Variants in FREM1 observed in about 807,000 individuals in gnomAD.
FREM1 encodes the protein FRAS1 related extracellular matrix 1.
In FREM1, 220 loss-of-function variants were observed where a neutral mutation model predicts 210.1. The ratio of observed to expected loss-of-function variants is 1.05; its 90% confidence interval spans 0.94 to 1.17. The LOEUF (loss-of-function observed/expected upper bound fraction) is 1.17. FREM1 is among the 50% of genes most tolerant of loss of function. FREM1 has a pLI of 0.00. For missense variants in FREM1, 3,454 were observed against 2,675.5 expected, an observed-to-expected ratio of 1.29 and a Z score of -6.42; for synonymous variants, 1,189 against 980.2, an observed-to-expected ratio of 1.21 and a Z score of -3.98.
chr9:14,789,003 C>G lies in FREM1; in HGVS notation c.4093G>C (p.Asp1365His), dbSNP rs1308658142. ...TCCCAAAGGTAGAAGGTGAAGCTATCTTGATTCTGGGAATCCATTGCCCCG... is the reference window on the plus strand; with the variant it reads ...TCCCAAAGGTAGAAGGTGAAGCTATGTTGATTCTGGGAATCCATTGCCCCG... Reference protein sequence around the residue: ...HTGAMDSQNQDSFTFYLWDGN... With the variant: ...HTGAMDSQNQHSFTFYLWDGN... Residue 1365 changes from aspartate to histidine, a missense_variant, in exon 23 of 37, where the codon GAT becomes CAT. Coordinates refer to ENST00000380880, the MANE Select transcript of FREM1 (RefSeq NM_001379081.2). 1.2e-6 allele frequency: 2 copies of G among 1,612,546 alleles called. No individual in the cohort carries two copies. The highest frequency in any genetic ancestry group is 2.7e-5 in the African/African-American group (2 of 74,888).
chr9:14,813,206 G>T, intron 15 of FREM1, 142 bp from the exon 16 acceptor site: 1 of 847,314 alleles, frequency 1.2e-6, no homozygotes, highest in Non-Finnish European at 1.8e-6. Context: ...ATTTGGCCAA[G>T]TAATCTGTGT....
intron 1 of FREM1, among the ~76,000 whole-genome samples, chr9:14,880,663 T>C (rs1312967600): frequency 6.6e-6 from 1 of 151,730 alleles, no homozygotes; most frequent in East Asian, 1.9e-4. Context: ...ATTGCATGTG[T>C]GTTGACATAA....
chr9:14,827,851 C>T (rs1822767431), intron 10 of FREM1, among the ~76,000 whole-genome samples: 2 of 152,326 alleles, frequency 1.3e-5, no homozygotes, highest in Admixed American at 1.3e-4. Context: ...CTTGGCCATC[C>T]CAGCTGTGGC....
intron 10 of FREM1, among the ~76,000 whole-genome samples, chr9:14,834,520 T>A (rs952399183): frequency 2.0e-5 from 3 of 152,164 alleles, no homozygotes; most frequent in Non-Finnish European, 2.9e-5. Context: ...AAGGGTAAAA[T>A]TTAGCTTTAA....
chr9:14,829,352 C>T (rs903640702), intron 10 of FREM1, among the ~76,000 whole-genome samples: 1 of 152,128 alleles, frequency 6.6e-6, no homozygotes, highest in Non-Finnish European at 1.5e-5. Flanking sequence ...TGGGTCTTTT[C>T]CACAGCCTGC....
intron 4 of FREM1, 46 bp from the exon 5 acceptor site, chr9:14,857,795 A>G (rs1829067711): frequency 7.0e-7 from 1 of 1,430,054 alleles, no homozygotes; most frequent in East Asian, 2.3e-5. Context: ...AAACATAACA[A>G]TTGTAAAATT....
At chr9:14,844,056 G>A (rs953579985) in intron 8 of FREM1, among the ~76,000 whole-genome samples, 1 of 152,060 alleles carries the variant, frequency 6.6e-6, no homozygotes, top group African/African-American at 2.4e-5. Context: ...AAAGTATACA[G>A]AATGCTTTCT....
chr9:14,765,883 A>C (rs1994920), intron 27 of FREM1, among the ~76,000 whole-genome samples: 1 of 152,164 alleles, frequency 6.6e-6, no homozygotes, highest in African/African-American at 2.4e-5. Context: ...AGGTCCACGT[A>C]GAAGCTGTAT....
chr9:14,856,957 T>C (rs1177431762), intron 5 of FREM1, among the ~76,000 whole-genome samples: 1 of 152,028 alleles, frequency 6.6e-6, no homozygotes, highest in African/African-American at 2.4e-5. Context: ...TTCAAATAAA[T>C]GGAATCCACT....
At chr9:14,854,559 A>G (rs1828371406) in intron 5 of FREM1, among the ~76,000 whole-genome samples, 1 of 152,110 alleles carries the variant, frequency 6.6e-6, no homozygotes. Flanking sequence ...ATTATATTTA[A>G]TATTGTTCTT....
chr9:14,742,959 G>A (rs901984275), intron 35 of FREM1, among the ~76,000 whole-genome samples: 7 of 152,052 alleles, frequency 4.6e-5, no homozygotes, highest in Non-Finnish European at 8.8e-5. Flanking sequence ...ATACCTGTGA[G>A]CAAGTGATTT....
At chr9:14,739,497 A>C (rs1261542438) in intron 36 of FREM1, among the ~76,000 whole-genome samples, 1 of 146,006 alleles carries the variant, frequency 6.8e-6, no homozygotes, top group Non-Finnish European at 1.5e-5. Flanking sequence ...ATATATTCAT[A>C]TATATATGAA....
chr9:14,795,209 A>T (rs1324635263), intron 21 of FREM1, among the ~76,000 whole-genome samples: 1 of 152,166 alleles, frequency 6.6e-6, no homozygotes, highest in African/African-American at 2.4e-5. Context: ...CTAGTCTTTC[A>T]AGCATGTTTA....
At chr9:14,855,579 A>G (rs192777464) in intron 5 of FREM1, among the ~76,000 whole-genome samples, 17 of 150,924 alleles carry the variant, frequency 1.1e-4, no homozygotes, top group African/African-American at 4.2e-4. Flanking sequence ...GCATGCACTC[A>G]TGCACATGTG....
intron 17 of FREM1, among the ~76,000 whole-genome samples, chr9:14,807,694 CA>C (rs1818641836): frequency 2.0e-5 from 3 of 152,052 alleles, no homozygotes; most frequent in East Asian, 1.9e-4. Context: ...CACACACACA[CA>C]CACCCCAACA....
intron 25 of FREM1, among the ~76,000 whole-genome samples, chr9:14,774,938 G>C (rs1359147676): frequency 1.3e-5 from 2 of 152,160 alleles, no homozygotes; most frequent in Non-Finnish European, 2.9e-5. Context: ...AGTTTTATGA[G>C]AATCAAATAA....
chr9:14,762,592 C>A (rs750591288), intron 27 of FREM1, among the ~76,000 whole-genome samples: 1 of 152,050 alleles, frequency 6.6e-6, no homozygotes, highest in Non-Finnish European at 1.5e-5. Flanking sequence ...GTGGTCATTA[C>A]ACAATGCTCT....
intron 1 of FREM1, among the ~76,000 whole-genome samples, chr9:14,897,055 T>C (rs1299835414): frequency 1.3e-5 from 2 of 152,196 alleles, no homozygotes; most frequent in East Asian, 3.9e-4. Flanking sequence ...AATTTTATGG[T>C]AAATGACAAA....
chr9:14,853,267 T>A lies in FREM1; in HGVS notation c.829-1660A>T, dbSNP rs1434840544. 2.0e-5 allele frequency among the ~76,000 whole-genome samples: 3 copies of A among 152,288 alleles called. No homozygotes were observed. In the East Asian group the frequency reaches 5.8e-4, roughly 29 times the overall value. The stretch of plus-strand genomic sequence containing the variant: ...TTCTTGTTTGTGGCAACAAGGGACA[T>A]ATAAATGTTTCCAGTTAAGGGCCTA... On this transcript the variant is annotated intron_variant, in intron 5 of 36. Coordinates refer to ENST00000380880, the MANE Select transcript of FREM1 (RefSeq NM_001379081.2).
Sources: allele counts gnomAD v4.1 joint callset (sites outside exome capture counted in the v4.1 genomes callset), GRCh38; gene constraint gnomAD v4.1.1; transcripts MANE v1.5; gene names NCBI Gene and HGNC (gene_info 2026-07-23, HGNC 2026-07-21).